MAGI2: variants seen among roughly 807,000 people sequenced by gnomAD.
MAGI2 encodes membrane-associated guanylate kinase, WW and PDZ domain-containing protein 2.
MAGI2 carries 35 observed loss-of-function variants against 133.3 expected under a neutral mutation model. That is an observed-to-expected ratio of 0.26 (90% CI 0.20 to 0.35). MAGI2 has a LOEUF of 0.35. MAGI2 is among the 10% of genes least tolerant of loss of function. The pLI is 1.00. For synonymous variants in MAGI2, 729 were observed against 710.6 expected (o/e 1.03, Z -0.41); for missense variants, 1,636 against 1,863.4 (o/e 0.88, Z 2.25).
intron 1 of MAGI2, among the ~76,000 whole-genome samples, chr7:79,425,584 ATATATATATATATATG>A (rs1217110634): frequency 1.2e-4 from 10 of 81,664 alleles, no homozygotes; most frequent in African/African-American, 5.8e-4. Context: ...GGTTTTATAT[ATATATATATATATATG>A]TATATATATG....
rs373391356 is a variant in MAGI2 at position 78,677,238 on chromosome 7, A to G, written c.419-49999T>C. On this transcript the variant is annotated intron_variant, in intron 2 of 21. Transcript: ENST00000354212. Reference sequence around the variant, plus strand: ...ATACTGTAGGTGTTATAATTTATCAATTGTGTTGATCTGGCTCTACTAAGT... The same window carrying G: ...ATACTGTAGGTGTTATAATTTATCAGTTGTGTTGATCTGGCTCTACTAAGT... 5.1e-4 allele frequency among the ~76,000 whole-genome samples: 77 copies of G among 151,980 alleles called. 2 individuals carry two copies. The East Asian group carries it at 9.1e-3, about 18-fold the overall frequency.
intron 9 of MAGI2, among the ~76,000 whole-genome samples, chr7:78,328,731 A>G (rs2151143533): frequency 1.3e-5 from 2 of 152,110 alleles, no homozygotes; most frequent in Middle Eastern, 6.8e-3. Context: ...AATCTAAGTA[A>G]TTTTTTCATA....
intron 1 of MAGI2, chr7:79,411,750 T>A (rs958268231): frequency 7.9e-5 from 12 of 152,104 alleles, no homozygotes; most frequent in Non-Finnish European, 1.5e-4. Context: ...CCCCTTTCTT[T>A]AAAGGGAACA....
rs568780905 is a variant in MAGI2 at position 78,231,951 on chromosome 7, A to G, written c.2047+23992T>C. Reference sequence around the variant, plus strand: ...CCAAGAGGGTTTTTTTTCCCATAATACAACCCCAAAATGACCCTGGGTAGT... The same window carrying G: ...CCAAGAGGGTTTTTTTTCCCATAATGCAACCCCAAAATGACCCTGGGTAGT... On this transcript the variant is annotated intron_variant, in intron 10 of 21. Coordinates refer to ENST00000354212, the MANE Select transcript of MAGI2 (RefSeq NM_012301.4). Among the ~76,000 whole-genome samples the G allele has an allele frequency of 3.3e-5, 5 of 151,746 alleles. No homozygotes were observed. In the South Asian group the frequency reaches 8.3e-4, roughly 25 times the overall value.
chr7:78,968,752 A>T (rs950408913), intron 2 of MAGI2, among the ~76,000 whole-genome samples: 2 of 151,990 alleles, frequency 1.3e-5, no homozygotes, highest in African/African-American at 4.8e-5. Flanking sequence ...AATCCAATTT[A>T]TTTCTTCTTT....
chr7:78,310,967 G>A (rs772201583), intron 9 of MAGI2, among the ~76,000 whole-genome samples: 1 of 152,152 alleles, frequency 6.6e-6, no homozygotes, highest in Non-Finnish European at 1.5e-5. Flanking sequence ...GTAGCTTTGA[G>A]TGTGATGAGA....
intron 13 of MAGI2, among the ~76,000 whole-genome samples, chr7:78,181,139 C>T (rs1162306619): frequency 1.3e-5 from 2 of 152,030 alleles, no homozygotes; most frequent in African/African-American, 4.8e-5. Flanking sequence ...CTCTTCTGGC[C>T]CGACGACATG....
intron 1 of MAGI2, among the ~76,000 whole-genome samples, chr7:79,374,097 A>G (rs892630887): frequency 2.0e-5 from 3 of 152,070 alleles, no homozygotes; most frequent in African/African-American, 7.2e-5. Context: ...ACACACCTAC[A>G]TACCAAACAA....
Position 78,741,405 on chromosome 7 carries a change from AC to A in MAGI2, c.419-114167del, listed in dbSNP as rs1198579630. 1.1e-4 allele frequency among the ~76,000 whole-genome samples: 16 copies of A among 144,864 alleles called. 1 individual carries two copies. Among genetic ancestry groups the A allele is most frequent in the African/African-American group, 3.2e-4 (12 of 37,372 alleles). Reference sequence around the variant, plus strand: ...CACACACACACACACACACACACACACACACACACACACACACACACACGGG... The same window carrying A: ...CACACACACACACACACACACACACAACACACACACACACACACACACGGG... On this transcript the variant is annotated intron_variant, in intron 2 of 21. Coordinates refer to ENST00000354212, the MANE Select transcript of MAGI2 (RefSeq NM_012301.4).
intron 1 of MAGI2, among the ~76,000 whole-genome samples, chr7:79,277,464 T>C (rs911144891): frequency 6.6e-6 from 1 of 152,164 alleles, no homozygotes; most frequent in African/African-American, 2.4e-5. Context: ...TGTGGTGGTC[T>C]GGACCCAACT....
chr7:78,991,475 T>C (rs1035409648), intron 2 of MAGI2, among the ~76,000 whole-genome samples: 1 of 151,918 alleles, frequency 6.6e-6, no homozygotes, highest in African/African-American at 2.4e-5. Context: ...TATATCTATC[T>C]TATGTTCAGA....
At chr7:79,207,489 G>A (rs1037344504) in intron 1 of MAGI2, among the ~76,000 whole-genome samples, 1 of 150,728 alleles carries the variant, frequency 6.6e-6, no homozygotes, top group Non-Finnish European at 1.5e-5. Flanking sequence ...TAAAATATTA[G>A]TAACAAATTT....
intron 1 of MAGI2, among the ~76,000 whole-genome samples, chr7:79,302,346 T>C (rs1281886562): frequency 1.3e-5 from 2 of 152,166 alleles, no homozygotes; most frequent in South Asian, 2.1e-4. Context: ...GGGGAAATAA[T>C]GAATAATATC....
intron 6 of MAGI2, among the ~76,000 whole-genome samples, chr7:78,454,468 A>G (rs1408185000): frequency 6.6e-6 from 1 of 152,198 alleles, no homozygotes; most frequent in Non-Finnish European, 1.5e-5. Context: ...CATTGCTGGT[A>G]GGAATGCAAA....
At chr7:78,879,930 T>C (rs1048039383) in intron 2 of MAGI2, among the ~76,000 whole-genome samples, 6 of 152,010 alleles carry the variant, frequency 3.9e-5, no homozygotes, top group African/African-American at 1.2e-4. Flanking sequence ...TTAAAATACA[T>C]TTGAAAGCTT....
chr7:78,866,642 C>G (rs1410963454), intron 2 of MAGI2, among the ~76,000 whole-genome samples: 1 of 151,938 alleles, frequency 6.6e-6, no homozygotes, highest in Non-Finnish European at 1.5e-5. Flanking sequence ...AAATGCCAGA[C>G]ATTTGAGGGA....
intron 1 of MAGI2, among the ~76,000 whole-genome samples, chr7:79,144,031 A>G (rs1822381031): frequency 6.6e-6 from 1 of 152,172 alleles, no homozygotes; most frequent in South Asian, 2.1e-4. Context: ...TCACAGCATT[A>G]CCAAACATAC....
chr7:78,529,132 T>C (rs1293544186), intron 3 of MAGI2, among the ~76,000 whole-genome samples: 1 of 152,230 alleles, frequency 6.6e-6, no homozygotes. Flanking sequence ...TATTCACCAG[T>C]GCTCTCCGGA....
intron 3 of MAGI2, among the ~76,000 whole-genome samples, chr7:78,604,214 A>G (rs995240510): frequency 5.9e-5 from 9 of 152,152 alleles, no homozygotes; most frequent in African/African-American, 2.2e-4. Flanking sequence ...ATGAACAGGA[A>G]AGTTCTTTAG....
Sources: gnomAD v4.1 joint callset for allele counts (sites outside exome capture counted in the v4.1 genomes callset) on GRCh38, gnomAD v4.1.1 for gene constraint, MANE v1.5 for transcripts, NCBI Gene and HGNC (gene_info 2026-07-23, HGNC 2026-07-21) for gene names.